SLC38A1: variants seen among roughly 807,000 people sequenced by gnomAD.
SLC38A1 encodes sodium-coupled neutral amino acid symporter 1.
In SLC38A1, 18 loss-of-function variants were observed where a neutral mutation model predicts 60.3. The ratio of observed to expected loss-of-function variants is 0.30; its 90% CI spans 0.21 to 0.44. The LOEUF (loss-of-function observed/expected upper bound fraction) is 0.44, where lower values mean the gene tolerates loss of function less well. Among genes scored for constraint, SLC38A1 ranks in the 20% least tolerant of loss-of-function variants. The pLI, the probability that SLC38A1 is intolerant of heterozygous loss-of-function variation, is 1.00. For synonymous variants in SLC38A1, 196 were observed against 212.1 expected (o/e 0.92, Z 0.66); for missense variants, 448 against 587.2 (o/e 0.76, Z 2.45).
chr12:46,249,150 C>T lies in SLC38A1; in HGVS notation c.-208-5836G>A, dbSNP rs376806454. Among the ~76,000 whole-genome samples the T allele has an allele frequency of 8.8e-3, 317 of 35,840 alleles. 2 individuals are homozygous for T. The highest frequency in any genetic ancestry group is 0.026 in the African/African-American group (271 of 10,362). The allele number at this position is 35,840 out of a possible 152,430, so 23.5% of individuals were successfully genotyped here. Reference sequence around the variant, plus strand: ...CAGACAGGGTGATAGAGTGAGACTCCGCCTCAAAAAAAAAAAAAAAAAAAA... The same window carrying T: ...CAGACAGGGTGATAGAGTGAGACTCTGCCTCAAAAAAAAAAAAAAAAAAAA... On this transcript the variant is annotated intron_variant, in intron 1 of 16. Coordinates refer to ENST00000398637, the MANE Select transcript of SLC38A1 (RefSeq NM_030674.4).
chr12:46,200,339 T>C (rs1939596191), intron 13 of SLC38A1, among the ~76,000 whole-genome samples: 1 of 151,960 alleles, frequency 6.6e-6, no homozygotes, highest in Admixed American at 6.6e-5. Flanking sequence ...CAAAGAATTA[T>C]TATTTAGTAG....
At position 46,235,708 on chromosome 12, in the gene SLC38A1, GC is replaced by G. The variant is rs536258004; in HGVS notation, c.122+3970del. Reference sequence around the variant, plus strand: ...GGTGCTCTCAAGTGATAAAAATTTAGCCCACAAACTCCAAAAGATATATAAA... The same window carrying G: ...GGTGCTCTCAAGTGATAAAAATTTAGCCACAAACTCCAAAAGATATATAAA... On this transcript the variant is annotated intron_variant, in intron 3 of 16. Coordinates refer to ENST00000398637, the MANE Select transcript of SLC38A1 (RefSeq NM_030674.4). 3.3e-4 allele frequency among the ~76,000 whole-genome samples: 51 copies of G among 152,278 alleles called. No homozygotes were observed. The South Asian group carries it at 0.01, about 30-fold the overall frequency.
At chr12:46,224,423 T>C (rs1940785488) in intron 5 of SLC38A1, among the ~76,000 whole-genome samples, 1 of 151,848 alleles carries the variant, frequency 6.6e-6, no homozygotes, top group Non-Finnish European at 1.5e-5. Flanking sequence ...CCATTATGGA[T>C]AGGTTAAAAA....
At chr12:46,213,412 T>C (rs746125272) in intron 5 of SLC38A1, among the ~76,000 whole-genome samples, 1 of 152,238 alleles carries the variant, frequency 6.6e-6, no homozygotes, top group African/African-American at 2.4e-5. Context: ...TCTTCTTAAA[T>C]TGTTGATCCT....
In SLC38A1 at chr12:46,204,609, A is replaced by G; in HGVS notation, c.647-19T>C. 1 of 1,568,224 alleles carries G rather than the reference A, an allele frequency of 6.4e-7. No individual in the cohort carries two copies. Among genetic ancestry groups the G allele is most frequent in the Non-Finnish European group, 8.6e-7 (1 of 1,158,532 alleles). On this transcript the variant is annotated intron_variant, in intron 9 of 16. Coordinates refer to ENST00000398637, the MANE Select transcript of SLC38A1 (RefSeq NM_030674.4). ...AGATACCCTTTAAAAAAAAGTAAAAAATAAATTATTTCATTTTTTTCCATT... is the reference window on the plus strand; with the variant it reads ...AGATACCCTTTAAAAAAAAGTAAAAGATAAATTATTTCATTTTTTTCCATT...
intron 8 of SLC38A1, 38 bp from the exon 9 acceptor site, chr12:46,206,200 G>T: frequency 2.2e-6 from 3 of 1,352,350 alleles, no homozygotes; most frequent in Non-Finnish European, 3.1e-6. Flanking sequence ...TATTTTTTTA[G>T]AAAGTGACTT....
At chr12:46,216,401 T>C (rs772472451) in intron 5 of SLC38A1, among the ~76,000 whole-genome samples, 1 of 152,040 alleles carries the variant, frequency 6.6e-6, no homozygotes, top group African/African-American at 2.4e-5. Flanking sequence ...CAGGCAAGTG[T>C]GACAGCCAGC....
chr12:46,246,312 G>A (rs201814009), intron 1 of SLC38A1, among the ~76,000 whole-genome samples: 74 of 152,332 alleles, frequency 4.9e-4, no homozygotes, highest in East Asian at 3.9e-3. Context: ...CAAATACTGC[G>A]TTTTTCCAAA....
In SLC38A1 at chr12:46,209,949, T is replaced by A. The variant is rs74804573; in HGVS notation, c.315-822A>T. Among the ~76,000 whole-genome samples the A allele has an allele frequency of 5.4e-3, 823 of 152,088 alleles. 7 individuals carry two copies. The highest frequency in any genetic ancestry group is 0.019 in the African/African-American group (774 of 41,462). ...ATTTATTAAAAAAGAAGAAAAAAAA[T>A]CCAGTCCCCAGATGAAACCGCTCAC... On this transcript the variant is annotated intron_variant, in intron 5 of 16. Coordinates refer to ENST00000398637, the MANE Select transcript of SLC38A1 (RefSeq NM_030674.4).
intron 16 of SLC38A1, among the ~76,000 whole-genome samples, chr12:46,191,384 T>C (rs555694266): frequency 6.6e-6 from 1 of 152,344 alleles, no homozygotes; most frequent in East Asian, 1.9e-4. Flanking sequence ...TCCAGCTTGT[T>C]CTTTTTGCAT....
At chr12:46,195,812 G>A (rs551837499) in intron 16 of SLC38A1, 100 of 244,072 alleles carry the variant, frequency 4.1e-4, no homozygotes, top group African/African-American at 2.1e-3. Context: ...TGGGAAAAGT[G>A]CAGTATTTGG....
chr12:46,245,995 A>C (rs1941601326), intron 1 of SLC38A1, among the ~76,000 whole-genome samples: 2 of 152,158 alleles, frequency 1.3e-5, no homozygotes, highest in South Asian at 4.1e-4. Flanking sequence ...ACAGAAGAGG[A>C]TCTTTTAAAA....
At chr12:46,210,499 T>C (rs1940111409) in intron 5 of SLC38A1, among the ~76,000 whole-genome samples, 2 of 152,228 alleles carry the variant, frequency 1.3e-5, no homozygotes, top group African/African-American at 4.8e-5. Flanking sequence ...TTCAGATCTA[T>C]ACTTATTTCC....
intron 11 of SLC38A1, among the ~76,000 whole-genome samples, 181 bp downstream of exon 11, chr12:46,204,120 T>C (rs1939783649): frequency 6.6e-6 from 1 of 152,104 alleles, no homozygotes; most frequent in Admixed American, 6.5e-5. Flanking sequence ...TAAGAGAGAG[T>C]GTAAAATATA....
intron 3 of SLC38A1, among the ~76,000 whole-genome samples, chr12:46,238,697 T>C (rs1466362987): frequency 2.0e-5 from 3 of 152,190 alleles, no homozygotes; most frequent in African/African-American, 7.2e-5. Context: ...ACTCTTGTGA[T>C]GTAAGCAATA....
At chr12:46,209,272 C>G in intron 5 of SLC38A1, 145 bp from the exon 6 acceptor site, 1 of 526,402 alleles carries the variant, frequency 1.9e-6, no homozygotes, top group Non-Finnish European at 3.4e-6. Context: ...GTCATCCCTG[C>G]TTTAAAATCC....
In SLC38A1 at chr12:46,203,100, G is replaced by C; in HGVS notation, c.823-11C>G. The C allele has an allele frequency of 6.2e-7, 1 of 1,607,394 alleles. No homozygotes were observed. The highest frequency in any genetic ancestry group is 1.1e-5 in the South Asian group (1 of 90,420). On this transcript the variant is annotated splice_polypyrimidine_tract_variant and intron_variant, in intron 11 of 16. Transcript: ENST00000398637. ...TAAAGCATACACGGTCTATTTGAGA[G>C]AAAAGAATAGACATTAGGAAAAACA...
chr12:46,203,514 T>G (rs1045400304), intron 11 of SLC38A1, among the ~76,000 whole-genome samples: 10 of 152,210 alleles, frequency 6.6e-5, no homozygotes, highest in African/African-American at 2.4e-4. Context: ...AGTTTACTGC[T>G]CTTCGCTCTA....
chr12:46,229,445 G>A, intron 4 of SLC38A1, 119 bp downstream of exon 4: 1 of 843,972 alleles, frequency 1.2e-6, no homozygotes, highest in Non-Finnish European at 2.0e-6. Context: ...TAAGGTATGA[G>A]GAATATCCTG....
Sources: allele counts gnomAD v4.1 joint callset (sites outside exome capture counted in the v4.1 genomes callset), GRCh38; gene constraint gnomAD v4.1.1; transcripts MANE v1.5; gene names NCBI Gene and HGNC (gene_info 2026-07-23, HGNC 2026-07-21).